The following PGM1 variants were observed in gnomAD, a reference collection of about 807,000 sequenced individuals.
PGM1 encodes phosphoglucomutase-1.
PGM1 carries 52 observed loss-of-function variants against 55.6 expected under a neutral mutation model. The observed-to-expected ratio is 0.94, with a 90% CI of 0.75 to 1.18. The LOEUF (loss-of-function observed/expected upper bound fraction) is 1.18. PGM1 is among the 50% of genes most tolerant of loss of function. PGM1 has a pLI of 0.00. For synonymous variants in PGM1, 287 were observed against 271.7 expected, an observed-to-expected ratio of 1.06 and a Z score of -0.55; for missense variants, 724 against 729.3, an observed-to-expected ratio of 0.99 and a Z score of 0.08.
intron 1 of PGM1, among the ~76,000 whole-genome samples, chr1:63,616,186 A>G (rs1423592353): frequency 1.3e-5 from 2 of 152,230 alleles, no homozygotes; most frequent in Non-Finnish European, 2.9e-5. Context: ...AATTGTCTTG[A>G]GAATTCTCCA....
chr1:63,610,604 C>T (rs1557705105), intron 1 of PGM1, among the ~76,000 whole-genome samples: 1 of 152,154 alleles, frequency 6.6e-6, no homozygotes, highest in Non-Finnish European at 1.5e-5. Context: ...ATGGGAAATA[C>T]AGACACTTTA....
chr1:63,659,902 A>G lies in PGM1; in HGVS notation c.*227A>G. 1 of 616,914 alleles carries G rather than the reference A, an allele frequency of 1.6e-6. No homozygotes were observed. Among genetic ancestry groups the G allele is most frequent in the Non-Finnish European group, 2.9e-6 (1 of 339,900 alleles). 38.2% of individuals were successfully genotyped at this position (616,914 alleles called of 1,614,324 possible). ...CTTAGATCAATCTCAATTCCTTTTC[A>G]TGCCCTCCTGCATTGCTGCTGCGTG... On this transcript the variant is annotated 3_prime_UTR_variant, in exon 11 of 11. Coordinates refer to ENST00000371084, the MANE Select transcript of PGM1 (RefSeq NM_002633.3).
At chr1:63,658,857 AC>A (rs1466858532) in intron 10 of PGM1, among the ~76,000 whole-genome samples, 2 of 152,176 alleles carry the variant, frequency 1.3e-5, no homozygotes, top group Admixed American at 1.3e-4. Context: ...AATTGGACTT[AC>A]ACTTCACGTG....
intron 7 of PGM1, among the ~76,000 whole-genome samples, chr1:63,647,172 G>T (rs573781325): frequency 6.0e-5 from 9 of 150,694 alleles, no homozygotes; most frequent in Admixed American, 3.3e-4. Context: ...GAGCCTGGGG[G>T]GCAGAGGTTG....
At chr1:63,631,331 A>C (rs1387997565) in intron 3 of PGM1, among the ~76,000 whole-genome samples, 1 of 152,236 alleles carries the variant, frequency 6.6e-6, no homozygotes, top group Non-Finnish European at 1.5e-5. Flanking sequence ...GTGGCATAGC[A>C]GAATTTATAC....
intron 1 of PGM1, among the ~76,000 whole-genome samples, chr1:63,599,605 A>G (rs1001236372): frequency 2.6e-5 from 4 of 152,010 alleles, no homozygotes; most frequent in Non-Finnish European, 5.9e-5. Flanking sequence ...CTTGGACAAC[A>G]TGGTGAAACC....
At chr1:63,616,412 A>C (rs1308090848) in intron 1 of PGM1, among the ~76,000 whole-genome samples, 4 of 152,238 alleles carry the variant, frequency 2.6e-5, no homozygotes, top group African/African-American at 7.2e-5. Context: ...GCAATTATGC[A>C]GATGGAGAAT....
intron 7 of PGM1, among the ~76,000 whole-genome samples, chr1:63,643,780 T>C (rs1340383557): frequency 2.6e-5 from 4 of 151,036 alleles, no homozygotes; most frequent in Non-Finnish European, 5.9e-5. Flanking sequence ...TCACAGGGAG[T>C]GGTAGAAGCA....
At chr1:63,658,067 G>A (rs1027382877) in intron 10 of PGM1, among the ~76,000 whole-genome samples, 2 of 152,188 alleles carry the variant, frequency 1.3e-5, no homozygotes, top group African/African-American at 4.8e-5. Flanking sequence ...CCATCTAGCC[G>A]GGGAGCTGCC....
chr1:63,606,056 C>A (rs1385669635), intron 1 of PGM1, among the ~76,000 whole-genome samples: 3 of 152,226 alleles, frequency 2.0e-5, no homozygotes, highest in African/African-American at 7.2e-5. Context: ...CAGAACCCAA[C>A]CTGCCTTTAT....
intron 8 of PGM1, among the ~76,000 whole-genome samples, chr1:63,649,412 C>A (rs2100999164): frequency 6.6e-6 from 1 of 152,192 alleles, no homozygotes; most frequent in South Asian, 2.1e-4. Context: ...GCCTTTCCCC[C>A]AGTTAGTGTA....
At chr1:63,623,564 C>G in intron 1 of PGM1, 2 of 1,612,798 alleles carry the variant, frequency 1.2e-6, no homozygotes, top group Non-Finnish European at 1.7e-6. Flanking sequence ...GATCAGAAAC[C>G]AGGAACAAGT....
chr1:63,616,405 A>G (rs1246168805), intron 1 of PGM1, among the ~76,000 whole-genome samples: 3 of 152,200 alleles, frequency 2.0e-5, no homozygotes, highest in Non-Finnish European at 4.4e-5. Context: ...CAGAATGGCA[A>G]TTATGCAGAT....
intron 10 of PGM1, 134 bp downstream of exon 10, chr1:63,654,600 T>TGA: frequency 1.2e-6 from 1 of 809,498 alleles, no homozygotes; most frequent in South Asian, 1.5e-5. Flanking sequence ...TCTTCCATGT[T>TGA]TCTTTCTCCA....
rs766309260 is a variant in PGM1, at chr1:63,654,422, G to A, written c.1555G>A (p.Asp519Asn). 8 of 1,614,040 alleles carry A rather than the reference G, an allele frequency of 5.0e-6. No homozygotes were observed. Among genetic ancestry groups the A allele is most frequent in the Admixed American group, 1.7e-5 (1 of 60,024 alleles). The change falls in exon 10 of 11, where the codon GAT (aspartate) becomes AAT (asparagine). Residue 519 changes from aspartate (D) to asparagine (N), a missense_variant. By Grantham distance (23) the Asp-to-Asn change is conservative. Around this residue, in one of 3 missense-constraint regions of PGM1, gnomAD observed 316 missense variants for 313.1 expected, o/e 1.01. Coordinates refer to ENST00000371084, the MANE Select transcript of PGM1 (RefSeq NM_002633.3). The stretch of plus-strand genomic sequence containing the variant: ...CGGGGCCACCATTCGGCTGTACATC[G>A]ATAGCTATGAGAAGGACGTTGCCAA... ...SAGATIRLYI[D>N]SYEKDVAKIN...
chr1:63,654,815 G>T lies in PGM1; in HGVS notation c.1599+349G>T, dbSNP rs886598361. 3.3e-5 allele frequency among the ~76,000 whole-genome samples: 5 copies of T among 151,968 alleles called. No individual in the cohort carries two copies. The South Asian group carries it at 8.3e-4, about 25-fold the overall frequency. Reference sequence around the variant, plus strand: ...TTTCTGAGCATTTATGGTTTGCCAGGCTGTGTTGTAAGCCCATTATGAAAA... The same window carrying T: ...TTTCTGAGCATTTATGGTTTGCCAGTCTGTGTTGTAAGCCCATTATGAAAA... On this transcript the variant is annotated intron_variant, in intron 10 of 10. Coordinates refer to ENST00000371084, the MANE Select transcript of PGM1 (RefSeq NM_002633.3).
chr1:63,610,120 A>G (rs1308680413), intron 1 of PGM1, among the ~76,000 whole-genome samples: 1 of 152,246 alleles, frequency 6.6e-6, no homozygotes, highest in Non-Finnish European at 1.5e-5. Flanking sequence ...TCTCACCAGT[A>G]AAGTGGGATT....
intron 9 of PGM1, among the ~76,000 whole-genome samples, chr1:63,653,207 G>A (rs544594717): frequency 6.6e-6 from 1 of 152,322 alleles, no homozygotes; most frequent in Non-Finnish European, 1.5e-5. Flanking sequence ...ATTTTGATGT[G>A]AGACCAGATA....
At chr1:63,657,818 G>A (rs1045544606) in intron 10 of PGM1, among the ~76,000 whole-genome samples, 4 of 152,198 alleles carry the variant, frequency 2.6e-5, no homozygotes, top group African/African-American at 9.6e-5. Context: ...CCAGTACCTT[G>A]TTGTGTTGTA....
Sources: allele counts gnomAD v4.1 joint callset (sites outside exome capture counted in the v4.1 genomes callset), GRCh38; gene constraint gnomAD v4.1.1; regional missense constraint gnomAD v4.1.1; transcripts MANE v1.5; gene names NCBI Gene and HGNC (gene_info 2026-07-23, HGNC 2026-07-21).